Variants in SEZ6L2 observed in about 807,000 individuals in gnomAD.
SEZ6L2 encodes the protein seizure related 6 homolog like 2, also known as seizure 6-like protein 2.
A neutral mutation model predicts 97.0 loss-of-function variants in SEZ6L2; 44 were observed. That is an observed-to-expected ratio of 0.45 (90% CI 0.36 to 0.58). SEZ6L2 has a LOEUF of 0.58. SEZ6L2 is among the 20% of genes least tolerant of loss of function. SEZ6L2 has a pLI of 0.00. For synonymous variants in SEZ6L2, 543 were observed against 546.1 expected (o/e 0.99, Z 0.08); for missense variants, 1,086 against 1,233.3 (o/e 0.88, Z 1.79).
chr16:29,874,762 G>A (rs905533693), intron 12 of SEZ6L2, among the ~76,000 whole-genome samples: 1 of 151,528 alleles, frequency 6.6e-6, no homozygotes, highest in African/African-American at 2.4e-5. Flanking sequence ...GTATAGACAG[G>A]GTTTCGCCAT....
At chr16:29,895,937 T>A in intron 3 of SEZ6L2, 77 bp from the exon 4 acceptor site, 1 of 1,424,212 alleles carries the variant, frequency 7.0e-7, no homozygotes, top group South Asian at 1.3e-5. Context: ...CTGGCCTTCA[T>A]CTCCCTTCTC....
chr16:29,885,731 C>T lies in SEZ6L2; in HGVS notation c.1227G>A (p.Gly409=), dbSNP rs150650092. Residue 409 remains glycine (G), a synonymous_variant, in exon 8 of 18, where the codon GGG becomes GGA. Transcript: ENST00000617533. ...EDNDRLMVRS[G]GSPLSPVIYD... ...AGATCACGGGGGATAGGGGGCTGCC[C>T]CCTGAGCGCACCATCAGCCTGGGAT... The T allele has an allele frequency of 2.8e-3, 4,566 of 1,611,198 alleles. 27 individuals carry two copies. The highest frequency in any genetic ancestry group is 2.4e-3 in the Non-Finnish European group (2,868 of 1,178,080).
rs1046488985 is a variant in SEZ6L2, at chr16:29,871,241, C to A, written c.*458G>T. ...GAGAGACTGTGGGTTGGGGAGATGG[C>A]AGGAAGGGGGCAAGGCCTTGTCCCA... is the stretch of plus-strand genomic sequence containing the variant. On this transcript the variant is annotated 3_prime_UTR_variant, in exon 18 of 18. Transcript: ENST00000617533. 13 of 203,966 alleles carry A rather than the reference C, an allele frequency of 6.4e-5. No homozygotes were observed. The highest frequency in any genetic ancestry group is 1.0e-4 in the Non-Finnish European group (10 of 97,680). The allele number at this position is 203,966 out of a possible 1,614,324, so 12.6% of individuals were successfully genotyped here.
Position 29,873,339 on chromosome 16 carries a change from A to T in SEZ6L2, c.2389T>A (p.Phe797Ile). 6.2e-7 allele frequency: 1 copy of T among 1,614,228 alleles called. No individual in the cohort carries two copies. Among genetic ancestry groups the T allele is most frequent in the Non-Finnish European group, 8.5e-7 (1 of 1,180,040 alleles). ...AGCTCAAAGCCCTCATAGCAGAAGA[A>T]GCGCAGAGACTCGCCCGCCTGGTAG... ...HHYQAGESLR[F>I]FCYEGFELIG... Residue 797 changes from phenylalanine (F) to isoleucine (I), a missense_variant, in exon 14 of 18, where the codon TTC becomes ATC. By Grantham distance (21) the Phe-to-Ile change is conservative (BLOSUM62 0). Transcript: ENST00000617533. This position sits in a 1 kb window ranked among gnomAD's most constrained non-coding sequence, Gnocchi z 4.3.
At position 29,887,949 on chromosome 16, in the gene SEZ6L2, C is replaced by T. The variant is rs115895019; in HGVS notation, c.1040-132G>A. On this transcript the variant is annotated intron_variant, in intron 6 of 17. Transcript: ENST00000617533. Reference sequence around the variant, plus strand: ...ACCCGGCCCAGGGCTGGCCTCTGTCCCATGGAGTCACTCCAGAGGATGGGA... The same window carrying T: ...ACCCGGCCCAGGGCTGGCCTCTGTCTCATGGAGTCACTCCAGAGGATGGGA... 2.4e-3 allele frequency: 2,298 copies of T among 953,906 alleles called. 38 individuals carry two copies. In the African/African-American group the frequency reaches 0.034, roughly 14 times the overall value. The allele number at this position is 953,906 out of a possible 1,614,324, so 59.1% of individuals were successfully genotyped here.
In SEZ6L2 at chr16:29,899,319, G is replaced by A; in HGVS notation, c.-300C>T. 2.6e-6 allele frequency: 1 copy of A among 391,338 alleles called. No individual in the cohort carries two copies. The highest frequency in any genetic ancestry group is 4.6e-6 in the Non-Finnish European group (1 of 217,562). The allele number at this position is 391,338 out of a possible 1,614,324, so 24.2% of individuals were successfully genotyped here. ...TGGGGCCGAGAGGGCCGAAGGGGCC[G>A]GGTGGCCTGGGTTACCCTCCTGCTC... On this transcript the variant is annotated 5_prime_UTR_variant, in exon 1 of 18. Coordinates refer to ENST00000617533, the MANE Select transcript of SEZ6L2 (RefSeq NM_001243332.2).
rs761911120 is a variant in SEZ6L2, at chr16:29,871,693, T to G, written c.*6A>C. The G allele has an allele frequency of 4.4e-6, 7 of 1,608,754 alleles. No homozygotes were observed. The African/African-American group carries it at 9.4e-5, about 22-fold the overall frequency. On this transcript the variant is annotated 3_prime_UTR_variant, in exon 18 of 18. Coordinates refer to ENST00000617533, the MANE Select transcript of SEZ6L2 (RefSeq NM_001243332.2). ...GTCCTGGGTCCTGCAGCTGTAGTCT[T>G]GGGGTTCAGATGGAAACTTCATACT...
At chr16:29,878,889 G>A (rs1596966879) in intron 9 of SEZ6L2, among the ~76,000 whole-genome samples, 1 of 148,460 alleles carries the variant, frequency 6.7e-6, no homozygotes, top group Non-Finnish European at 1.5e-5. Flanking sequence ...ACAGGCGTGA[G>A]CCACCAGGTC....
At position 29,876,792 on chromosome 16, in the gene SEZ6L2, G is replaced by A; in HGVS notation, c.2068C>T (p.Leu690=). ...GSDILTCQWD[L]SWSAAPPACQ... Reference sequence around the variant, plus strand: ...GCGGGCGGCGCGGCGCTCCAAGACAGGTCCCACTGGCAAGTGAGAATGTCG... The same window carrying A: ...GCGGGCGGCGCGGCGCTCCAAGACAAGTCCCACTGGCAAGTGAGAATGTCG... The change falls in exon 12 of 18, where the codon CTG becomes TTG. Residue 690 remains leucine (L), a synonymous_variant. Transcript: ENST00000617533. This position sits in a 1 kb window ranked among gnomAD's most constrained non-coding sequence, Gnocchi z 6.5. 1 of 1,583,136 alleles carries A rather than the reference G, an allele frequency of 6.3e-7. No individual in the cohort carries two copies. Among genetic ancestry groups the A allele is most frequent in the Non-Finnish European group, 8.6e-7 (1 of 1,165,622 alleles).
intron 8 of SEZ6L2, among the ~76,000 whole-genome samples, chr16:29,885,090 C>T (rs2068107457): frequency 6.6e-6 from 1 of 151,964 alleles, no homozygotes; most frequent in Admixed American, 6.6e-5. Flanking sequence ...TGCCTGTAGC[C>T]CCAGCTACTC....
chr16:29,896,698 G>T (rs1167735155), intron 3 of SEZ6L2, 124 bp downstream of exon 3: 1 of 767,072 alleles, frequency 1.3e-6, no homozygotes, highest in Non-Finnish European at 2.2e-6. Context: ...TGCTACCTTT[G>T]TTATTATTAT....
Position 29,873,167 on chromosome 16 carries a change from T to G in SEZ6L2, c.2488+73A>C. ...TGGGGTCGCCCATTGGTCTCAAATG[T>G]GCTACCTGACTCTCCCAGCCCTGTC... is the stretch of plus-strand genomic sequence containing the variant. On this transcript the variant is annotated intron_variant, in intron 14 of 17. Transcript: ENST00000617533. The surrounding 1 kb of genome is among the most constrained non-coding windows in gnomAD (Gnocchi z 4.3). 6.5e-7 allele frequency: 1 copy of G among 1,545,260 alleles called. No individual in the cohort carries two copies. The highest frequency in any genetic ancestry group is 1.2e-5 in the South Asian group (1 of 85,648).
intron 4 of SEZ6L2, 130 bp downstream of exon 4, chr16:29,895,591 T>A: frequency 7.0e-7 from 1 of 1,424,828 alleles, no homozygotes. Context: ...GTTGTAGAAA[T>A]CTAGAAGAGT....
intron 5 of SEZ6L2, among the ~76,000 whole-genome samples, chr16:29,890,641 T>C (rs1375785669): frequency 6.6e-6 from 1 of 152,020 alleles, no homozygotes; most frequent in East Asian, 1.9e-4. Flanking sequence ...GTACCACCTC[T>C]TCCAGGAAGC....
rs1314109970 is a variant in SEZ6L2, at chr16:29,873,324, C to T, written c.2404G>A (p.Gly802Ser). 1.2e-6 allele frequency: 2 copies of T among 1,614,114 alleles called. No individual in the cohort carries two copies. Among genetic ancestry groups the T allele is most frequent in the African/African-American group, 1.3e-5 (1 of 74,938 alleles). The change falls in exon 14 of 18, where the codon GGC becomes AGC. Residue 802 changes from glycine (G) to serine (S), a missense_variant. Gly to Ser is a moderately conservative substitution (Grantham distance 56, BLOSUM62 0). This residue lies in a region of SEZ6L2 where 310 missense variants were observed against 438.6 expected (regional missense o/e 0.71). Transcript: ENST00000617533. This position sits in a 1 kb window ranked among gnomAD's most constrained non-coding sequence, Gnocchi z 4.3. ...GTGACCTCGCCGATAAGCTCAAAGC[C>T]CTCATAGCAGAAGAAGCGCAGAGAC... Reference protein sequence around the residue: ...GESLRFFCYEGFELIGEVTIT... With the variant: ...GESLRFFCYESFELIGEVTIT...
intron 12 of SEZ6L2, among the ~76,000 whole-genome samples, chr16:29,875,975 T>G (rs982684900): frequency 2.0e-5 from 3 of 151,982 alleles, no homozygotes; most frequent in Non-Finnish European, 4.4e-5. Context: ...ACCTCCTCTG[T>G]GAAATCTCCT....
chr16:29,898,921 CCA>C lies in SEZ6L2; in HGVS notation c.79+18_79+19del. 2 of 1,603,302 alleles carry C rather than the reference CCA, an allele frequency of 1.2e-6. No individual in the cohort carries two copies. Among genetic ancestry groups the C allele is most frequent in the Non-Finnish European group, 8.5e-7 (1 of 1,175,076 alleles). ...CTGGACGCCTTCCTGGGGCCCACCC[CCA>C]CAGTCTCATGTCCTTACCCTGGATC... On this transcript the variant is annotated intron_variant, in intron 1 of 17. Transcript: ENST00000617533.
chr16:29,885,463 C>T, intron 8 of SEZ6L2, 123 bp downstream of exon 8: 1 of 1,060,666 alleles, frequency 9.4e-7, no homozygotes, highest in Non-Finnish European at 1.4e-6. Context: ...GGAAGCGAGT[C>T]ACGTTTCAAG....
chr16:29,873,120 A>C lies in SEZ6L2; in HGVS notation c.2488+120T>G. On this transcript the variant is annotated intron_variant, in intron 14 of 17. Coordinates refer to ENST00000617533, the MANE Select transcript of SEZ6L2 (RefSeq NM_001243332.2). This position sits in a 1 kb window ranked among gnomAD's most constrained non-coding sequence, Gnocchi z 4.3. ...CACACCCGTGAGGACACGAGGCCACAGGAGGAGAACCGGGAGCTCTGTGGG... is the reference window on the plus strand; with the variant it reads ...CACACCCGTGAGGACACGAGGCCACCGGAGGAGAACCGGGAGCTCTGTGGG... The C allele has an allele frequency of 5.2e-6, 6 of 1,162,318 alleles. No individual in the cohort carries two copies. The highest frequency in any genetic ancestry group is 7.3e-6 in the Non-Finnish European group (6 of 826,548). The allele number at this position is 1,162,318 out of a possible 1,614,324, so 72.0% of individuals were successfully genotyped here. A position where few individuals can be genotyped will look rare whatever the true frequency, so the allele number is the denominator to read the frequency against.
Sources: allele counts gnomAD v4.1 joint callset (sites outside exome capture counted in the v4.1 genomes callset), GRCh38; gene constraint gnomAD v4.1.1; regional missense constraint gnomAD v4.1.1; non-coding constraint Gnocchi (gnomAD v3.1); transcripts MANE v1.5; gene names NCBI Gene and HGNC (gene_info 2026-07-23, HGNC 2026-07-21).